Variants in EMID1 observed in about 807,000 individuals in gnomAD.
EMID1 encodes EMI domain-containing protein 1.
EMID1 carries 40 observed loss-of-function variants against 60.6 expected under a neutral mutation model. That is an observed-to-expected ratio of 0.66 (90% confidence interval 0.51 to 0.86). The LOEUF (loss-of-function observed/expected upper bound fraction) is 0.86, where lower values mean the gene tolerates loss of function less well. Ranked by LOEUF, EMID1 falls within the 40% of genes least tolerant of loss-of-function variation. The pLI, the probability that EMID1 is intolerant of heterozygous loss-of-function variation, is 0.00. For missense variants in EMID1, 585 were observed against 597.1 expected (o/e 0.98, Z 0.21); for synonymous variants, 242 against 231.0 (o/e 1.05, Z -0.43).
At position 29,248,101 on chromosome 22, in the gene EMID1, C is replaced by T. The variant is rs140288263; in HGVS notation, c.1119+4612C>T. On this transcript the variant is annotated intron_variant, in intron 13 of 14. Coordinates refer to ENST00000334018, the MANE Select transcript of EMID1 (RefSeq NM_133455.4). ...CCAAGTAGCTGGGACTACAGGTGAA[C>T]GCCACGATGCCCAGCTAATTTTTTT... Among the ~76,000 whole-genome samples the T allele has an allele frequency of 8.6e-5, 13 of 150,410 alleles. No homozygotes were observed. In the South Asian group the frequency reaches 2.3e-3, roughly 27 times the overall value.
chr22:29,229,270 A>G (rs2146273739), intron 5 of EMID1, among the ~76,000 whole-genome samples: 1 of 152,186 alleles, frequency 6.6e-6, no homozygotes, highest in South Asian at 2.1e-4. Context: ...GCTCAGACGG[A>G]CAAGGCTGCA....
At chr22:29,258,026 C>G (rs1028134050) in intron 14 of EMID1, among the ~76,000 whole-genome samples, 1 of 152,186 alleles carries the variant, frequency 6.6e-6, no homozygotes, top group Non-Finnish European at 1.5e-5. Flanking sequence ...GACGGACAGC[C>G]CACTCCATGG....
intron 13 of EMID1, among the ~76,000 whole-genome samples, chr22:29,244,812 G>A (rs540471241): frequency 1.4e-4 from 21 of 152,212 alleles, no homozygotes; most frequent in Non-Finnish European, 2.5e-4. Context: ...CAGGGATCTG[G>A]AAACCATCAC....
intron 3 of EMID1, among the ~76,000 whole-genome samples, chr22:29,218,052 C>T (rs997856160): frequency 4.6e-5 from 7 of 151,942 alleles, no homozygotes; most frequent in Non-Finnish European, 1.0e-4. Context: ...GGGCAAGTCA[C>T]TTCTCCTCTC....
chr22:29,224,337 G>A (rs929343015), intron 3 of EMID1, among the ~76,000 whole-genome samples: 9 of 152,238 alleles, frequency 5.9e-5, no homozygotes, highest in African/African-American at 2.2e-4. Context: ...GAGGGGGGCA[G>A]TTGCCAGTGC....
rs935996822 is a variant in EMID1, at chr22:29,259,494, G to C, written c.*550G>C. On this transcript the variant is annotated 3_prime_UTR_variant, in exon 15 of 15. Coordinates refer to ENST00000334018, the MANE Select transcript of EMID1 (RefSeq NM_133455.4). The stretch of plus-strand genomic sequence containing the variant: ...CCTCCCGCATCTCAGGTTGGGGATG[G>C]GGACATGGAGAGGAAGGGGCCGCCT... 4.2e-5 allele frequency: 7 copies of C among 167,668 alleles called. No homozygotes were observed. The highest frequency in any genetic ancestry group is 1.7e-4 in the African/African-American group (7 of 41,714). 10.4% of individuals were successfully genotyped at this position (167,668 alleles called of 1,614,324 possible). A position where few individuals can be genotyped will look rare whatever the true frequency, so the allele number is the denominator to read the frequency against.
At chr22:29,223,412 A>G (rs537551351) in intron 3 of EMID1, among the ~76,000 whole-genome samples, 5 of 152,368 alleles carry the variant, frequency 3.3e-5, no homozygotes, top group Admixed American at 6.5e-5. Context: ...CTTTTGGTCA[A>G]CTTCTCAAAA....
intron 12 of EMID1, among the ~76,000 whole-genome samples, chr22:29,237,500 G>A (rs1379205753): frequency 7.0e-6 from 1 of 143,598 alleles, no homozygotes; most frequent in African/African-American, 2.7e-5. Context: ...CTTTCTTTAT[G>A]TAAAATCTGA....
chr22:29,214,983 C>T lies in EMID1; in HGVS notation c.159C>T (p.Thr53=). The T allele has an allele frequency of 6.4e-7, 1 of 1,553,762 alleles. No homozygotes were observed. Among genetic ancestry groups the T allele is most frequent in the South Asian group, 1.2e-5 (1 of 83,986 alleles). Residue 53 remains threonine, a synonymous_variant, in exon 2 of 15, where the codon ACC becomes ACT. Coordinates refer to ENST00000334018, the MANE Select transcript of EMID1 (RefSeq NM_133455.4). Reference sequence around the variant, plus strand: ...TCTCATGCCATGTGCAGAATGGCACCTACCTTCAGCGAGTGCTGCAGAACT... The same window carrying T: ...TCTCATGCCATGTGCAGAATGGCACTTACCTTCAGCGAGTGCTGCAGAACT... ...RTISCHVQNG[T]YLQRVLQNCP...
chr22:29,230,843 C>G (rs980592881), intron 5 of EMID1, among the ~76,000 whole-genome samples, 177 bp from the exon 6 acceptor site: 4 of 152,234 alleles, frequency 2.6e-5, no homozygotes, highest in South Asian at 2.1e-4. Flanking sequence ...GTGGTCCCAG[C>G]TACTTGGAAG....
chr22:29,221,666 G>A (rs958704844), intron 3 of EMID1, among the ~76,000 whole-genome samples: 1 of 152,086 alleles, frequency 6.6e-6, no homozygotes, highest in East Asian at 1.9e-4. Context: ...GAGCCACCAC[G>A]CCCGGCCAGG....
At chr22:29,219,973 T>C (rs1286119755) in intron 3 of EMID1, among the ~76,000 whole-genome samples, 1 of 152,042 alleles carries the variant, frequency 6.6e-6, no homozygotes. Context: ...GGGCTAAACA[T>C]TGCAAATCCA....
intron 14 of EMID1, among the ~76,000 whole-genome samples, chr22:29,257,890 C>T (rs554646843): frequency 1.3e-5 from 2 of 152,208 alleles, no homozygotes; most frequent in Non-Finnish European, 2.9e-5. Context: ...TCCCACGCTC[C>T]CTAAGGCATG....
At chr22:29,229,818 T>G (rs2040662111) in intron 5 of EMID1, among the ~76,000 whole-genome samples, 1 of 152,164 alleles carries the variant, frequency 6.6e-6, no homozygotes, top group Admixed American at 6.5e-5. Context: ...TTGATGGGAA[T>G]TCCTGGTTCA....
intron 12 of EMID1, among the ~76,000 whole-genome samples, chr22:29,238,254 A>AATT (rs3066719): frequency 0.032 from 3,758 of 116,610 alleles, 232 homozygotes; most frequent in South Asian, 0.046. Flanking sequence ...TTTTTCTAAA[A>AATT]ATTATTATTA....
intron 6 of EMID1, 197 bp downstream of exon 6, chr22:29,231,337 C>A (rs2040732707): frequency 2.2e-6 from 2 of 901,084 alleles, no homozygotes; most frequent in Non-Finnish European, 3.4e-6. Flanking sequence ...CCCTGGAGAC[C>A]AAGCAGCCCC....
intron 5 of EMID1, among the ~76,000 whole-genome samples, chr22:29,227,327 G>A (rs1344146721): frequency 6.6e-6 from 1 of 152,028 alleles, no homozygotes; most frequent in Non-Finnish European, 1.5e-5. Context: ...CTAAGCTCAA[G>A]CAATTCACTG....
chr22:29,219,685 G>A (rs1197833601), intron 3 of EMID1, among the ~76,000 whole-genome samples: 1 of 152,176 alleles, frequency 6.6e-6, no homozygotes, highest in Non-Finnish European at 1.5e-5. Flanking sequence ...AGGAGGCTGA[G>A]GCAGGAGGGT....
At chr22:29,230,721 G>A (rs2040707413) in intron 5 of EMID1, among the ~76,000 whole-genome samples, 1 of 152,130 alleles carries the variant, frequency 6.6e-6, no homozygotes, top group Middle Eastern at 3.2e-3. Flanking sequence ...GGAGGCTGAG[G>A]CAAGATGATT....
Sources: allele counts gnomAD v4.1 joint callset (sites outside exome capture counted in the v4.1 genomes callset), GRCh38; gene constraint gnomAD v4.1.1; transcripts MANE v1.5; gene names NCBI Gene and HGNC (gene_info 2026-07-23, HGNC 2026-07-21).